SGCG: variants seen among roughly 807,000 people sequenced by gnomAD.
SGCG encodes the protein gamma-sarcoglycan.
Under a neutral mutation model 29.3 loss-of-function variants are expected in SGCG, and 26 were observed. The ratio of observed to expected loss-of-function variants is 0.89; its 90% CI spans 0.65 to 1.23. The LOEUF (loss-of-function observed/expected upper bound fraction) is 1.23. Ranked by LOEUF, SGCG falls within the 50% of genes most tolerant of loss-of-function variation. The pLI, the probability that SGCG is intolerant of heterozygous loss-of-function variation, is 0.00. For missense variants in SGCG, 353 were observed against 356.0 expected (o/e 0.99, Z 0.07); for synonymous variants, 145 against 129.7 (o/e 1.12, Z -0.80).
At chr13:23,289,591 T>G (rs1222032893) in intron 5 of SGCG, among the ~76,000 whole-genome samples, 2 of 151,892 alleles carry the variant, frequency 1.3e-5, no homozygotes, top group East Asian at 1.9e-4. Flanking sequence ...CTGGATTTAT[T>G]GTTTATAACA....
At position 23,324,705 on chromosome 13, in the gene SGCG, C is replaced by G; in HGVS notation, c.*164C>G. 1 of 664,764 alleles carries G rather than the reference C, an allele frequency of 1.5e-6. No individual in the cohort carries two copies. Among genetic ancestry groups the G allele is most frequent in the Non-Finnish European group, 2.7e-6 (1 of 372,614 alleles). The allele number at this position is 664,764 out of a possible 1,614,324, so 41.2% of individuals were successfully genotyped here. On this transcript the variant is annotated 3_prime_UTR_variant, in exon 8 of 8. Transcript: ENST00000218867. The stretch of plus-strand genomic sequence containing the variant: ...GCCAGTGAAAGTGTTTGGACAAAAA[C>G]TACATGATCTCAAAATGCACGTGGA...
At chr13:23,267,336 T>G (rs900338653) in intron 4 of SGCG, among the ~76,000 whole-genome samples, 1 of 152,188 alleles carries the variant, frequency 6.6e-6, no homozygotes, top group Non-Finnish European at 1.5e-5. Context: ...GCATGGTCAC[T>G]ACAGACCTGA....
intron 4 of SGCG, among the ~76,000 whole-genome samples, chr13:23,276,981 A>G (rs1226009972): frequency 6.6e-6 from 1 of 152,250 alleles, no homozygotes; most frequent in African/African-American, 2.4e-5. Context: ...AACCTTGTAC[A>G]TAAAAAGCAT....
intron 6 of SGCG, among the ~76,000 whole-genome samples, chr13:23,301,582 A>G (rs182144459): frequency 1.1e-3 from 164 of 152,284 alleles, no homozygotes; most frequent in Admixed American, 3.7e-3. Flanking sequence ...TAGGAAAGAA[A>G]TAGCATTAAT....
intron 4 of SGCG, among the ~76,000 whole-genome samples, chr13:23,269,883 G>GTTT (rs140082158): frequency 8.5e-6 from 1 of 117,000 alleles, no homozygotes; most frequent in Admixed American, 9.0e-5. Context: ...TGTTTTTTTT[G>GTTT]TTTTTTTTTG....
intron 5 of SGCG, among the ~76,000 whole-genome samples, chr13:23,280,676 G>A (rs1593217078): frequency 6.6e-6 from 1 of 152,182 alleles, no homozygotes; most frequent in East Asian, 1.9e-4. Flanking sequence ...TACTAGCTGC[G>A]TAATTTCAAG....
chr13:23,215,903 A>G (rs1878407950), intron 2 of SGCG, among the ~76,000 whole-genome samples: 1 of 151,352 alleles, frequency 6.6e-6, no homozygotes, highest in African/African-American at 2.4e-5. Context: ...TGGAAGACCA[A>G]TTTGAGATGT....
chr13:23,275,539 T>A (rs916157459), intron 4 of SGCG, among the ~76,000 whole-genome samples: 4 of 152,166 alleles, frequency 2.6e-5, no homozygotes, highest in South Asian at 4.1e-4. Context: ...TACAGCATTT[T>A]TGGAAGGCTG....
intron 4 of SGCG, among the ~76,000 whole-genome samples, chr13:23,278,882 G>A (rs1420638244): frequency 6.6e-6 from 1 of 152,202 alleles, no homozygotes; most frequent in Non-Finnish European, 1.5e-5. Flanking sequence ...TAAGGGGTGA[G>A]CAGCCCTTCT....
At chr13:23,235,679 G>A (rs1879281561) in intron 3 of SGCG, among the ~76,000 whole-genome samples, 1 of 152,154 alleles carries the variant, frequency 6.6e-6, no homozygotes, top group African/African-American at 2.4e-5. Context: ...TTGATAAATG[G>A]CATTACCTCC....
intron 6 of SGCG, among the ~76,000 whole-genome samples, chr13:23,304,151 G>T (rs521585): frequency 0.72 from 109,346 of 151,494 alleles, 41,326 homozygotes; most frequent in East Asian, 0.89. Context: ...CTTCATCCCT[G>T]ATATATGTTT....
At chr13:23,181,493 A>G (rs982743148) in intron 1 of SGCG, among the ~76,000 whole-genome samples, 2 of 152,222 alleles carry the variant, frequency 1.3e-5, no homozygotes, top group Non-Finnish European at 2.9e-5. Flanking sequence ...TAGTTTTGTT[A>G]TAGACACTAA....
At chr13:23,251,970 A>G (rs1879986119) in intron 4 of SGCG, among the ~76,000 whole-genome samples, 1 of 152,142 alleles carries the variant, frequency 6.6e-6, no homozygotes, top group Non-Finnish European at 1.5e-5. Flanking sequence ...CCTTTTTCTT[A>G]TACTAATACA....
At position 23,235,162 on chromosome 13, in the gene SGCG, C is replaced by A. The variant is rs180709524; in HGVS notation, c.297+450C>A. On this transcript the variant is annotated intron_variant, in intron 3 of 7. Coordinates refer to ENST00000218867, the MANE Select transcript of SGCG (RefSeq NM_000231.3). ...GGTGGGCGGATCACCTGAGGTGGGG[C>A]CAGCTTGGCCAACATGGATAAACCC... Among the ~76,000 whole-genome samples the A allele has an allele frequency of 2.3e-3, 346 of 152,124 alleles. 1 individual carries two copies. The highest frequency in any genetic ancestry group is 3.3e-3 in the Non-Finnish European group (223 of 67,984).
intron 5 of SGCG, among the ~76,000 whole-genome samples, chr13:23,286,358 G>A (rs545599214): frequency 1.7e-3 from 258 of 152,304 alleles, no homozygotes; most frequent in Middle Eastern, 6.8e-3. Flanking sequence ...ACTAACAAAA[G>A]ACCAGGAAAG....
At chr13:23,301,452 C>G (rs1003924091) in intron 6 of SGCG, among the ~76,000 whole-genome samples, 4 of 152,156 alleles carry the variant, frequency 2.6e-5, no homozygotes, top group Non-Finnish European at 5.9e-5. Flanking sequence ...AGAGAAGTGG[C>G]TGATCCCAGG....
At chr13:23,221,552 T>C (rs2137528255) in intron 2 of SGCG, among the ~76,000 whole-genome samples, 1 of 152,356 alleles carries the variant, frequency 6.6e-6, no homozygotes, top group South Asian at 2.1e-4. Flanking sequence ...GGTTCTATGA[T>C]GTATAAGGCA....
chr13:23,199,716 T>C (rs2137494546), intron 1 of SGCG, among the ~76,000 whole-genome samples: 2 of 151,556 alleles, frequency 1.3e-5, no homozygotes, highest in Middle Eastern at 6.8e-3. Context: ...CATAAAACGA[T>C]ATAAAAAGAA....
chr13:23,223,387 T>C (rs1878762634), intron 2 of SGCG, among the ~76,000 whole-genome samples: 1 of 152,032 alleles, frequency 6.6e-6, no homozygotes, highest in African/African-American at 2.4e-5. Context: ...TAATGACTAA[T>C]AAATTAGGTT....
Sources: allele counts gnomAD v4.1 joint callset (sites outside exome capture counted in the v4.1 genomes callset), GRCh38; gene constraint gnomAD v4.1.1; transcripts MANE v1.5; gene names NCBI Gene and HGNC (gene_info 2026-07-23, HGNC 2026-07-21).